TADA2A: variants seen among roughly 807,000 people sequenced by gnomAD.
TADA2A encodes the protein transcriptional adapter 2-alpha.
TADA2A carries 38 observed loss-of-function variants against 67.4 expected under a neutral mutation model. The observed-to-expected ratio is 0.56, with a 90% CI of 0.44 to 0.74. The LOEUF (loss-of-function observed/expected upper bound fraction) is 0.74, where lower values mean the gene tolerates loss of function less well. Ranked by LOEUF, TADA2A falls within the 30% of genes least tolerant of loss-of-function variation. The probability of loss-of-function intolerance (pLI) is 0.00; values close to 1 mark genes in which losing one functional copy is unlikely to be tolerated. For synonymous variants in TADA2A, 192 were observed against 181.6 expected, an observed-to-expected ratio of 1.06 and a Z score of -0.46; for missense variants, 454 against 547.0, an observed-to-expected ratio of 0.83 and a Z score of 1.70.
chr17:37,430,575 C>A (rs1449347231), intron 4 of TADA2A, among the ~76,000 whole-genome samples: 1 of 152,106 alleles, frequency 6.6e-6, no homozygotes, highest in Non-Finnish European at 1.5e-5. Flanking sequence ...TCTGCCACAC[C>A]CTTTTATACC....
intron 2 of TADA2A, among the ~76,000 whole-genome samples, chr17:37,420,542 A>G (rs1371657311): frequency 6.9e-6 from 1 of 145,056 alleles, no homozygotes; most frequent in Non-Finnish European, 1.5e-5. Context: ...ACAGGTGCCC[A>G]CCACCACACC....
intron 14 of TADA2A, among the ~76,000 whole-genome samples, chr17:37,474,199 A>G (rs975568509): frequency 1.3e-5 from 2 of 152,188 alleles, no homozygotes; most frequent in African/African-American, 4.8e-5. Flanking sequence ...TGATCGCAAC[A>G]CTGCACTCCA....
intron 4 of TADA2A, among the ~76,000 whole-genome samples, chr17:37,432,921 T>TA (rs1488224209): frequency 1.6e-5 from 2 of 124,678 alleles, no homozygotes; most frequent in African/African-American, 5.7e-5. Context: ...ATTGTGGTAT[T>TA]ACAATTTTTT....
chr17:37,416,478 T>C (rs558628353), intron 2 of TADA2A, among the ~76,000 whole-genome samples: 1 of 152,312 alleles, frequency 6.6e-6, no homozygotes, highest in Admixed American at 6.5e-5. Context: ...TTTTTTACTT[T>C]CCTTATGGTG....
chr17:37,431,241 G>A (rs1444147695), intron 4 of TADA2A, among the ~76,000 whole-genome samples: 1 of 152,082 alleles, frequency 6.6e-6, no homozygotes, highest in Non-Finnish European at 1.5e-5. Flanking sequence ...GCTTAAAAAT[G>A]ACCATTTTAT....
At chr17:37,426,663 CAGAA>C (rs1177883529) in intron 3 of TADA2A, 27 of 98,618 alleles carry the variant, frequency 2.7e-4, no homozygotes, top group Middle Eastern at 3.2e-3. Flanking sequence ...GACTCCGTCT[CAGAA>C]AAAAAAAAAA....
chr17:37,467,682 C>G (rs376365593), intron 12 of TADA2A, among the ~76,000 whole-genome samples, 157 bp downstream of exon 12: 2 of 152,086 alleles, frequency 1.3e-5, no homozygotes, highest in Non-Finnish European at 1.5e-5. Flanking sequence ...TATTTAATCC[C>G]TATAAATACC....
intron 4 of TADA2A, among the ~76,000 whole-genome samples, chr17:37,431,399 A>G (rs560422405): frequency 6.6e-6 from 1 of 152,062 alleles, no homozygotes; most frequent in South Asian, 2.1e-4. Flanking sequence ...CTTGGATCTC[A>G]TAATACATCA....
At position 37,444,767 on chromosome 17, in the gene TADA2A, T is replaced by C. The variant is rs2053026777; in HGVS notation, c.603T>C (p.His201=). The C allele has an allele frequency of 6.2e-6, 10 of 1,613,694 alleles. No homozygotes were observed. The highest frequency in any genetic ancestry group is 3.3e-5 in the Admixed American group (2 of 60,008). ...DFVEDDSDIL[H]ALKMAVVDIY... ...TTGAAGATGACTCGGACATTTTACATGGTAACAGTTTATTTTGTCAAATGT... is the reference window on the plus strand; with the variant it reads ...TTGAAGATGACTCGGACATTTTACACGGTAACAGTTTATTTTGTCAAATGT... The change falls in exon 8 of 16, where the codon CAT becomes CAC. Residue 201 remains histidine (H), a splice_region_variant and synonymous_variant. Coordinates refer to ENST00000615182, the MANE Select transcript of TADA2A (RefSeq NM_001166105.3).
chr17:37,474,441 T>G, intron 14 of TADA2A, 115 bp from the exon 15 acceptor site: 2 of 901,944 alleles, frequency 2.2e-6, no homozygotes, highest in Non-Finnish European at 3.4e-6. Context: ...TTTCCTAAGC[T>G]GGATATAGTG....
chr17:37,450,843 G>A (rs1371251742), intron 8 of TADA2A, among the ~76,000 whole-genome samples: 1 of 152,188 alleles, frequency 6.6e-6, no homozygotes, highest in Admixed American at 6.5e-5. Flanking sequence ...ATTGTATTCA[G>A]TTGCTGCTGA....
In TADA2A at chr17:37,421,834, A is replaced by ATGAAAAGTTTTAAACTTAAATG. The variant is rs2052241464; in HGVS notation, c.26-1675_26-1674insTGAAAAGTTTTAAACTTAAATG. Among the ~76,000 whole-genome samples the ATGAAAAGTTTTAAACTTAAATG allele has an allele frequency of 8.3e-5, 2 of 24,098 alleles. 1 individual carries two copies. Among genetic ancestry groups the ATGAAAAGTTTTAAACTTAAATG allele is most frequent in the Non-Finnish European group, 1.2e-4 (2 of 16,698 alleles). The allele number at this position is 24,098 out of a possible 152,430, so 15.8% of individuals were successfully genotyped here. The stretch of plus-strand genomic sequence containing the variant: ...TCTCTTATTTGCCCCAACTTTTTAT[A>ATGAAAAGTTTTAAACTTAAATG]GAAAAGTCAAAAGAACAGTACAATG... On this transcript the variant is annotated intron_variant, in intron 2 of 15. Coordinates refer to ENST00000615182, the MANE Select transcript of TADA2A (RefSeq NM_001166105.3).
At chr17:37,461,197 G>A (rs958780161) in intron 9 of TADA2A, among the ~76,000 whole-genome samples, 3 of 152,000 alleles carry the variant, frequency 2.0e-5, no homozygotes, top group African/African-American at 4.8e-5. Flanking sequence ...GATCCTCCAC[G>A]TGAGCAGTTC....
chr17:37,465,824 A>G (rs2053653234), intron 11 of TADA2A, among the ~76,000 whole-genome samples: 1 of 152,124 alleles, frequency 6.6e-6, no homozygotes, highest in South Asian at 2.1e-4. Context: ...AAGTAGAGAT[A>G]ATAATATGAT....
intron 7 of TADA2A, 22 bp from the exon 8 acceptor site, chr17:37,444,674 A>AT (rs1045270785): frequency 1.1e-5 from 17 of 1,610,790 alleles, no homozygotes; most frequent in Non-Finnish European, 1.4e-5. Flanking sequence ...TGGGGTGGGG[A>AT]TTTTTTTGTT....
chr17:37,418,560 T>G (rs1246240573), intron 2 of TADA2A, among the ~76,000 whole-genome samples: 1 of 151,880 alleles, frequency 6.6e-6, no homozygotes, highest in South Asian at 2.1e-4. Context: ...TGTTGTCAAG[T>G]GAAAAAACAT....
chr17:37,411,433 T>A (rs372517597), intron 2 of TADA2A, 43 bp downstream of exon 2: 320 of 1,589,232 alleles, frequency 2.0e-4, no homozygotes, highest in Non-Finnish European at 2.5e-4. Context: ...TATTATTATT[T>A]TTTTTTTGAG....
At chr17:37,437,013 T>C (rs1032636385) in intron 4 of TADA2A, among the ~76,000 whole-genome samples, 7 of 151,856 alleles carry the variant, frequency 4.6e-5, no homozygotes, top group Admixed American at 3.9e-4. Flanking sequence ...AATAAGAATG[T>C]ACCCTGGGTA....
At position 37,465,763 on chromosome 17, in the gene TADA2A, T is replaced by C. The variant is rs2053652045; in HGVS notation, c.823+222T>C. On this transcript the variant is annotated intron_variant, in intron 11 of 15. Transcript: ENST00000615182. The stretch of plus-strand genomic sequence containing the variant: ...CCATTGCCCCAGATAAACAATAATT[T>C]AGTAGTTTTTCTCCCTACTTTGTAT... 7.4e-6 allele frequency: 5 copies of C among 679,318 alleles called. No individual in the cohort carries two copies. In the East Asian group the frequency reaches 1.4e-4, roughly 19 times the overall value. The allele number at this position is 679,318 out of a possible 1,614,324, so 42.1% of individuals were successfully genotyped here.
Sources: gnomAD v4.1 joint callset for allele counts (sites outside exome capture counted in the v4.1 genomes callset) on GRCh38, gnomAD v4.1.1 for gene constraint, MANE v1.5 for transcripts, NCBI Gene and HGNC (gene_info 2026-07-23, HGNC 2026-07-21) for gene names.